Variants in SCRG1 observed in about 807,000 individuals in gnomAD.
SCRG1 encodes the protein scrapie-responsive protein 1.
In SCRG1, 3 loss-of-function variants were observed where a neutral mutation model predicts 7.7. That is an observed-to-expected ratio of 0.39 (90% CI 0.18 to 1.01). The LOEUF is 1.01. SCRG1 is among the 50% of genes least tolerant of loss of function. SCRG1 has a pLI of 0.36. For missense variants in SCRG1, 110 were observed against 117.2 expected (o/e 0.94, Z 0.28); for synonymous variants, 46 against 41.2 (o/e 1.12, Z -0.44).
At chr4:173,508,817 ACTCGGGGC>A in the SCRG1 span, among the ~76,000 whole-genome samples, 1 of 151,910 alleles carries the variant, frequency 6.6e-6, no homozygotes, top group East Asian at 1.9e-4. This position sits in a 1 kb window ranked among gnomAD's most constrained non-coding sequence, Gnocchi z 4.4. Flanking sequence ...TGGGAGAAGC[ACTCGGGGC>A]CCGGGAGGCC....
chr4:173,390,112 A>G (rs1739382610), intron 2 of SCRG1, among the ~76,000 whole-genome samples: 1 of 150,892 alleles, frequency 6.6e-6, no homozygotes, highest in African/African-American at 2.4e-5. Flanking sequence ...GGCACGATCT[A>G]GGCTCACTGC....
the SCRG1 span, among the ~76,000 whole-genome samples, chr4:173,415,407 C>T: frequency 2.0e-5 from 3 of 152,302 alleles, no homozygotes; most frequent in East Asian, 1.9e-4. Context: ...CCAAACTGTA[C>T]GCCAGCTTAG....
chr4:173,484,490 C>T, the SCRG1 span, among the ~76,000 whole-genome samples: 6 of 38,402 alleles, frequency 1.6e-4, no homozygotes, highest in Non-Finnish European at 2.0e-4. Flanking sequence ...ATATTATATA[C>T]ATATAATATA....
chr4:173,405,113 C>T (rs1739867372), intron 1 of SCRG1, among the ~76,000 whole-genome samples: 1 of 152,136 alleles, frequency 6.6e-6, no homozygotes, highest in Non-Finnish European at 1.5e-5. Flanking sequence ...CCCAGAACAC[C>T]ACATTACATT....
At chr4:173,494,613 A>G in the SCRG1 span, among the ~76,000 whole-genome samples, 11 of 152,212 alleles carry the variant, frequency 7.2e-5, no homozygotes, top group African/African-American at 2.7e-4. Context: ...GAGGCTGAAG[A>G]GGAGCCCGCG....
chr4:173,431,541 C>A, the SCRG1 span, among the ~76,000 whole-genome samples: 1 of 152,134 alleles, frequency 6.6e-6, no homozygotes, highest in Non-Finnish European at 1.5e-5. Context: ...CTTGCTGGGG[C>A]AATAGTCAGA....
At chr4:173,514,810 C>G in the SCRG1 span, among the ~76,000 whole-genome samples, 1 of 152,206 alleles carries the variant, frequency 6.6e-6, no homozygotes, top group African/African-American at 2.4e-5. Flanking sequence ...ATAGTCCCAG[C>G]TAATAAACAA....
chr4:173,475,722 A>C, the SCRG1 span, among the ~76,000 whole-genome samples: 1 of 152,230 alleles, frequency 6.6e-6, no homozygotes, highest in African/African-American at 2.4e-5. Flanking sequence ...AAGGATAAAG[A>C]AAACATGGTG....
chr4:173,483,746 T>G, the SCRG1 span, among the ~76,000 whole-genome samples: 2,118 of 4,894 alleles, frequency 0.43, 990 homozygotes, highest in Non-Finnish European at 0.67. Flanking sequence ...TATGATATAT[T>G]ATATGTGATA....
chr4:173,417,164 A>T, the SCRG1 span, among the ~76,000 whole-genome samples: 1 of 152,070 alleles, frequency 6.6e-6, no homozygotes, highest in Admixed American at 6.6e-5. Flanking sequence ...ACACACACAC[A>T]GAGCCTTTGT....
At chr4:173,496,714 C>T in the SCRG1 span, among the ~76,000 whole-genome samples, 2 of 152,180 alleles carry the variant, frequency 1.3e-5, no homozygotes, top group South Asian at 4.1e-4. Flanking sequence ...CTTATTTAAT[C>T]CTCACAACAA....
At chr4:173,479,438 T>TG in the SCRG1 span, among the ~76,000 whole-genome samples, 493 of 144,264 alleles carry the variant, frequency 3.4e-3, 14 homozygotes, top group East Asian at 0.081. Context: ...TTTGTTTGTT[T>TG]TTTTGTTTTT....
the SCRG1 span, among the ~76,000 whole-genome samples, chr4:173,484,119 TAC>T: frequency 1.4e-5 from 1 of 71,528 alleles, no homozygotes; most frequent in East Asian, 4.3e-4. Flanking sequence ...ATATATAATA[TAC>T]AATATATAAT....
chr4:173,417,375 A>G, the SCRG1 span, among the ~76,000 whole-genome samples: 2 of 152,200 alleles, frequency 1.3e-5, no homozygotes, highest in Non-Finnish European at 1.5e-5. Context: ...AATTGAATCC[A>G]TAGTTCTTGA....
rs1193377653 is a variant in SCRG1 at position 173,387,563 on chromosome 4, C to CCCTT, written c.*777_*778insAAGG. The CCCTT allele has an allele frequency of 6.6e-6, 1 of 152,044 alleles. No homozygotes were observed. Among genetic ancestry groups the CCCTT allele is most frequent in the African/African-American group, 2.4e-5 (1 of 41,342 alleles). The allele number at this position is 152,044 out of a possible 1,614,324, so 9.4% of individuals were successfully genotyped here. On this transcript the variant is annotated 3_prime_UTR_variant, in exon 3 of 3. Coordinates refer to ENST00000296506, the MANE Select transcript of SCRG1 (RefSeq NM_007281.4). Reference sequence around the variant, plus strand: ...ATCTCACTATGTTGCCCAGGCTGGTCTCAAACTCCTGGACTCAAGTGATCT... The same window carrying CCCTT: ...ATCTCACTATGTTGCCCAGGCTGGTCCCTTTCAAACTCCTGGACTCAAGTGATCT...
the SCRG1 span, among the ~76,000 whole-genome samples, chr4:173,474,862 G>A: frequency 2.0e-5 from 3 of 152,176 alleles, no homozygotes; most frequent in African/African-American, 7.2e-5. Context: ...AAAACCCTTA[G>A]TTTCTCAACA....
At chr4:173,459,766 G>A in the SCRG1 span, among the ~76,000 whole-genome samples, 1 of 152,174 alleles carries the variant, frequency 6.6e-6, no homozygotes, top group African/African-American at 2.4e-5. Context: ...GGGTTAGGAG[G>A]TTGTAAAGAG....
chr4:173,457,677 A>G, the SCRG1 span, among the ~76,000 whole-genome samples: 1 of 152,150 alleles, frequency 6.6e-6, no homozygotes, highest in Non-Finnish European at 1.5e-5. Context: ...CTTAGGTTTT[A>G]TCTATGGGAC....
At chr4:173,515,663 G>T in the SCRG1 span, among the ~76,000 whole-genome samples, 1 of 152,034 alleles carries the variant, frequency 6.6e-6, no homozygotes, top group Non-Finnish European at 1.5e-5. This position sits in a 1 kb window ranked among gnomAD's most constrained non-coding sequence, Gnocchi z 4.6. Context: ...GGAGGTGGTG[G>T]GGCTGTGTGT....
Sources: gnomAD v4.1 joint callset for allele counts (sites outside exome capture counted in the v4.1 genomes callset) on GRCh38, gnomAD v4.1.1 for gene constraint, Gnocchi (gnomAD v3.1) non-coding constraint, MANE v1.5 for transcripts, NCBI Gene and HGNC (gene_info 2026-07-23, HGNC 2026-07-21) for gene names.